Variants in MINDY4 observed in about 807,000 individuals in gnomAD.
MINDY4 encodes probable ubiquitin carboxyl-terminal hydrolase MINDY-4.
In MINDY4, 68 loss-of-function variants were observed where a neutral mutation model predicts 87.0. The observed-to-expected ratio is 0.78, with a 90% CI of 0.64 to 0.96. The LOEUF (loss-of-function observed/expected upper bound fraction) is 0.96, where lower values mean the gene tolerates loss of function less well. Ranked by LOEUF, MINDY4 falls within the 40% of genes least tolerant of loss-of-function variation. The pLI is 0.00. For missense variants in MINDY4, 919 were observed against 928.2 expected (o/e 0.99, Z 0.13); for synonymous variants, 379 against 363.2 (o/e 1.04, Z -0.50).
At chr7:30,819,746 A>G (rs1353964469) in intron 5 of MINDY4, among the ~76,000 whole-genome samples, 1 of 152,112 alleles carries the variant, frequency 6.6e-6, no homozygotes, top group African/African-American at 2.4e-5. Flanking sequence ...GTTTATCACT[A>G]ATAACACTTT....
chr7:30,810,293 A>G (rs1787948892), intron 5 of MINDY4, among the ~76,000 whole-genome samples: 1 of 151,868 alleles, frequency 6.6e-6, no homozygotes, highest in African/African-American at 2.4e-5. Flanking sequence ...TTTATGCAAG[A>G]AATGTTGTAT....
At chr7:30,857,316 T>C (rs1449361365) in intron 12 of MINDY4, among the ~76,000 whole-genome samples, 1 of 152,186 alleles carries the variant, frequency 6.6e-6, no homozygotes, top group Non-Finnish European at 1.5e-5. Flanking sequence ...GAACTTGAAG[T>C]CTGTGTTGAA....
chr7:30,806,696 G>A (rs1442106647), intron 5 of MINDY4, among the ~76,000 whole-genome samples: 1 of 152,268 alleles, frequency 6.6e-6, no homozygotes, highest in East Asian at 1.9e-4. Context: ...AACGTTTGTG[G>A]ATTGAATGAA....
At chr7:30,790,924 G>C (rs1287076359) in intron 4 of MINDY4, among the ~76,000 whole-genome samples, 1 of 152,244 alleles carries the variant, frequency 6.6e-6, no homozygotes, top group Non-Finnish European at 1.5e-5. Context: ...AGGGCTGCGA[G>C]AGAAAGGCCC....
chr7:30,871,152 G>A (rs1246815670), intron 13 of MINDY4, among the ~76,000 whole-genome samples: 1 of 152,188 alleles, frequency 6.6e-6, no homozygotes, highest in Non-Finnish European at 1.5e-5. Context: ...CCAGGGTCAT[G>A]TGCAGAAGTG....
intron 12 of MINDY4, among the ~76,000 whole-genome samples, chr7:30,855,092 C>T (rs1789531655): frequency 6.6e-6 from 1 of 152,244 alleles, no homozygotes; most frequent in African/African-American, 2.4e-5. Flanking sequence ...GGTGCATCCA[C>T]CGCCTGGCCT....
chr7:30,888,934 T>C (rs1790712657), intron 17 of MINDY4, among the ~76,000 whole-genome samples: 1 of 152,158 alleles, frequency 6.6e-6, no homozygotes, highest in African/African-American at 2.4e-5. Context: ...GACTCACCCC[T>C]GCACTGAAGC....
chr7:30,800,138 C>A (rs1562534945), intron 5 of MINDY4, among the ~76,000 whole-genome samples: 1 of 152,126 alleles, frequency 6.6e-6, no homozygotes, highest in Non-Finnish European at 1.5e-5. Context: ...CTGTCTGAGG[C>A]AGCTGGGTGG....
intron 5 of MINDY4, among the ~76,000 whole-genome samples, chr7:30,807,665 T>C (rs568403340): frequency 3.3e-4 from 50 of 152,300 alleles, no homozygotes; most frequent in African/African-American, 1.0e-3. Context: ...TAGTTAAAGA[T>C]TGACCCCTGA....
intron 5 of MINDY4, among the ~76,000 whole-genome samples, chr7:30,812,354 A>G (rs1175090064): frequency 6.6e-6 from 1 of 152,110 alleles, no homozygotes; most frequent in Non-Finnish European, 1.5e-5. Flanking sequence ...AGTGAAGGGT[A>G]TATGCTGGTG....
chr7:30,852,468 C>A, intron 11 of MINDY4, 189 bp downstream of exon 11: 1 of 700,062 alleles, frequency 1.4e-6, no homozygotes, highest in African/African-American at 1.9e-5. Context: ...CCTGCTAGAG[C>A]TGGCTTTACG....
At chr7:30,829,379 A>G (rs1788627111) in intron 6 of MINDY4, among the ~76,000 whole-genome samples, 1 of 152,232 alleles carries the variant, frequency 6.6e-6, no homozygotes, top group Admixed American at 6.5e-5. Context: ...TGTTGAGACC[A>G]AGGACTGGCC....
intron 6 of MINDY4, among the ~76,000 whole-genome samples, chr7:30,835,249 A>G (rs1004397621): frequency 6.6e-6 from 1 of 152,224 alleles, no homozygotes; most frequent in Non-Finnish European, 1.5e-5. Context: ...AGGAGGAGCA[A>G]GTCACATCTT....
At chr7:30,771,866 C>T (rs898392875) in intron 1 of MINDY4, among the ~76,000 whole-genome samples, 12 of 152,348 alleles carry the variant, frequency 7.9e-5, no homozygotes, top group Middle Eastern at 3.4e-3. Context: ...GCCAAGCAAT[C>T]CTAGCGCGGG....
intron 14 of MINDY4, among the ~76,000 whole-genome samples, chr7:30,873,596 G>A (rs965086495): frequency 1.3e-5 from 2 of 152,184 alleles, no homozygotes; most frequent in Admixed American, 6.5e-5. Context: ...CAGGGAGGGC[G>A]ATTCTGCTGG....
chr7:30,791,450 G>T lies in MINDY4; in HGVS notation c.949G>T (p.Asp317Tyr), dbSNP rs757734675. Residue 317 changes from aspartate (D) to tyrosine (Y), a missense_variant, in exon 5 of 18, where the codon GAC becomes TAC. Physicochemically the swap from Asp to Tyr is radical, Grantham distance 160. Transcript: ENST00000265299. Reference protein sequence around the residue: ...RDPSEDTPAVDGSTDTDRMPL... With the variant: ...RDPSEDTPAVYGSTDTDRMPL... ...TCCCTCCGAGGACACCCCAGCAGTGGACGGCAGCACAGACACGGACAGGAT... is the reference window on the plus strand; with the variant it reads ...TCCCTCCGAGGACACCCCAGCAGTGTACGGCAGCACAGACACGGACAGGAT... The T allele has an allele frequency of 3.7e-6, 6 of 1,614,000 alleles. No individual in the cohort carries two copies. In the African/African-American group the frequency reaches 5.3e-5, roughly 14 times the overall value.
intron 5 of MINDY4, among the ~76,000 whole-genome samples, chr7:30,797,483 A>G (rs895780046): frequency 6.6e-6 from 1 of 152,142 alleles, no homozygotes; most frequent in African/African-American, 2.4e-5. Context: ...TTGCACTTTG[A>G]TCTCTGGACG....
chr7:30,842,542 C>A (rs540769766), intron 9 of MINDY4, among the ~76,000 whole-genome samples: 1 of 152,272 alleles, frequency 6.6e-6, no homozygotes, highest in African/African-American at 2.4e-5. Flanking sequence ...AAAAAATGTG[C>A]AGAGTGTGCT....
intron 12 of MINDY4, chr7:30,858,928 CG>C: frequency 1.1e-5 from 6 of 558,960 alleles, no homozygotes; most frequent in South Asian, 4.7e-5. Context: ...TTAGAGTGTT[CG>C]GGGTGATAAT....
Sources: gnomAD v4.1 joint callset for allele counts (sites outside exome capture counted in the v4.1 genomes callset) on GRCh38, gnomAD v4.1.1 for gene constraint, MANE v1.5 for transcripts, NCBI Gene and HGNC (gene_info 2026-07-23, HGNC 2026-07-21) for gene names.